ZDHHC14: variants seen among roughly 807,000 people sequenced by gnomAD.
The protein encoded by ZDHHC14 is zDHHC palmitoyltransferase 14.
In ZDHHC14, 16 loss-of-function variants were observed where a neutral mutation model predicts 47.7. The observed-to-expected ratio is 0.34, with a 90% CI of 0.23 to 0.51. ZDHHC14 has a LOEUF of 0.51. ZDHHC14 is among the 20% of genes least tolerant of loss of function. The pLI is 0.97. For synonymous variants in ZDHHC14, 293 were observed against 278.9 expected, an observed-to-expected ratio of 1.05 and a Z score of -0.50; for missense variants, 515 against 662.5, an observed-to-expected ratio of 0.78 and a Z score of 2.44.
intron 3 of ZDHHC14, among the ~76,000 whole-genome samples, chr6:157,612,334 C>T (rs1006154210): frequency 2.6e-5 from 4 of 152,174 alleles, no homozygotes; most frequent in African/African-American, 4.8e-5. Context: ...TCAGAGTGAC[C>T]GTTTCCAAAC....
In ZDHHC14 at chr6:157,381,502, C is replaced by A. The variant is rs897485661; in HGVS notation, c.-520C>A. The A allele has an allele frequency of 1.2e-5, 5 of 405,672 alleles. No individual in the cohort carries two copies. The highest frequency in any genetic ancestry group is 2.0e-5 in the Non-Finnish European group (4 of 203,220). 25.1% of individuals were successfully genotyped at this position (405,672 alleles called of 1,614,324 possible). A position where few individuals can be genotyped will look rare whatever the true frequency, so the allele number is the denominator to read the frequency against. On this transcript the variant is annotated 5_prime_UTR_variant, in exon 1 of 9. Coordinates refer to ENST00000359775, the MANE Select transcript of ZDHHC14 (RefSeq NM_024630.3). ...GGCCGCCCAGTCGCCAGCGCTCTCT[C>A]CTGGGAGGATCCGCTGCCGGAGGAA...
intron 5 of ZDHHC14, among the ~76,000 whole-genome samples, chr6:157,639,700 G>A (rs1310228275): frequency 1.3e-5 from 2 of 152,188 alleles, no homozygotes; most frequent in African/African-American, 4.8e-5. Context: ...GGACAGCTCA[G>A]TAGGGAGAAG....
At chr6:157,547,457 C>G (rs1264599993) in intron 2 of ZDHHC14, among the ~76,000 whole-genome samples, 1 of 151,818 alleles carries the variant, frequency 6.6e-6, no homozygotes, top group Non-Finnish European at 1.5e-5. Flanking sequence ...ACAGAGCATC[C>G]CCTGGGAAGA....
Position 157,428,590 on chromosome 6 carries a change from A to C in ZDHHC14, c.245+46324A>C, listed in dbSNP as rs187771418. Among the ~76,000 whole-genome samples, 236 of 152,192 alleles carry C rather than the reference A, an allele frequency of 1.6e-3. 6 individuals carry two copies. In the East Asian group the frequency reaches 0.034, roughly 22 times the overall value. On this transcript the variant is annotated intron_variant, in intron 1 of 8. Transcript: ENST00000359775. ...GTTACGCCTTGTGGAAGGGCACCCG[A>C]GAGAGGCGCATTCCTGCTTAGCGAG...
intron 1 of ZDHHC14, among the ~76,000 whole-genome samples, chr6:157,528,514 G>A (rs911728141): frequency 1.3e-5 from 2 of 151,912 alleles, no homozygotes; most frequent in Non-Finnish European, 2.9e-5. Context: ...GGCAGATCAC[G>A]AGGTCAGGAG....
chr6:157,415,516 C>T (rs34547508), intron 1 of ZDHHC14, among the ~76,000 whole-genome samples: 3,323 of 152,278 alleles, frequency 0.022, 133 homozygotes, highest in African/African-American at 0.076. Context: ...CAGCAAAGAA[C>T]TTGTCAGAAA....
rs1782585875 is a variant in ZDHHC14, at chr6:157,558,830, AGAT to A, written c.406+16086_406+16088del. The stretch of plus-strand genomic sequence containing the variant: ...CAATAAAACAAAGTTCAAGTAATGT[AGAT>A]CAGAGATTCCTCTTCCCTGCTGTAG... On this transcript the variant is annotated intron_variant, in intron 2 of 8. Transcript: ENST00000359775. 2.0e-5 allele frequency among the ~76,000 whole-genome samples: 3 copies of A among 152,032 alleles called. No individual in the cohort carries two copies. The South Asian group carries it at 6.2e-4, about 32-fold the overall frequency.
At chr6:157,391,827 A>G (rs969871922) in intron 1 of ZDHHC14, among the ~76,000 whole-genome samples, 5 of 152,068 alleles carry the variant, frequency 3.3e-5, no homozygotes, top group Non-Finnish European at 7.4e-5. Flanking sequence ...TTAGAGTGGG[A>G]GTGATTGCTC....
At chr6:157,512,127 G>A (rs1780513949) in intron 1 of ZDHHC14, among the ~76,000 whole-genome samples, 1 of 152,192 alleles carries the variant, frequency 6.6e-6, no homozygotes, top group Non-Finnish European at 1.5e-5. Context: ...CCTGCGGTAG[G>A]TCCAATTATT....
At chr6:157,526,576 A>G (rs1033831383) in intron 1 of ZDHHC14, among the ~76,000 whole-genome samples, 1 of 152,010 alleles carries the variant, frequency 6.6e-6, no homozygotes, top group Non-Finnish European at 1.5e-5. Context: ...CCTTCTTTTC[A>G]CTCTCTCATT....
At chr6:157,484,201 G>A (rs1248074333) in intron 1 of ZDHHC14, among the ~76,000 whole-genome samples, 7 of 150,848 alleles carry the variant, frequency 4.6e-5, no homozygotes, top group Admixed American at 6.6e-5. Flanking sequence ...GGTACTAGGC[G>A]TAGTACCTGG....
At chr6:157,399,409 A>G (rs1298951571) in intron 1 of ZDHHC14, among the ~76,000 whole-genome samples, 1 of 152,206 alleles carries the variant, frequency 6.6e-6, no homozygotes, top group African/African-American at 2.4e-5. Context: ...AAGAAATAAA[A>G]GTGTGTGCCT....
intron 3 of ZDHHC14, among the ~76,000 whole-genome samples, chr6:157,622,383 T>C (rs915817641): frequency 6.6e-6 from 1 of 152,140 alleles, no homozygotes; most frequent in Admixed American, 6.5e-5. Flanking sequence ...AGAGCAAGGC[T>C]CCATTTCAAA....
At chr6:157,569,188 TC>T (rs1160337264) in intron 2 of ZDHHC14, among the ~76,000 whole-genome samples, 7 of 151,734 alleles carry the variant, frequency 4.6e-5, no homozygotes, top group Admixed American at 3.9e-4. Flanking sequence ...AACCCGTATG[TC>T]CAAAAACCTT....
At chr6:157,546,579 G>C (rs969276758) in intron 2 of ZDHHC14, among the ~76,000 whole-genome samples, 1 of 152,138 alleles carries the variant, frequency 6.6e-6, no homozygotes, top group Non-Finnish European at 1.5e-5. Flanking sequence ...CGATGACTTA[G>C]GGTGCAGCTA....
chr6:157,530,594 A>G (rs1781327726), intron 1 of ZDHHC14, among the ~76,000 whole-genome samples: 1 of 152,190 alleles, frequency 6.6e-6, no homozygotes, highest in African/African-American at 2.4e-5. Context: ...GTGGGCTTTA[A>G]GCTGTTAACC....
chr6:157,485,591 G>A (rs1779758101), intron 1 of ZDHHC14, among the ~76,000 whole-genome samples: 1 of 151,942 alleles, frequency 6.6e-6, no homozygotes, highest in African/African-American at 2.4e-5. Context: ...GCAGAGATGG[G>A]CAGAGCCCCA....
At chr6:157,576,543 T>C (rs1477322104) in intron 2 of ZDHHC14, among the ~76,000 whole-genome samples, 1 of 152,264 alleles carries the variant, frequency 6.6e-6, no homozygotes, top group Admixed American at 6.5e-5. Context: ...GTTTATGTCC[T>C]GAATGTTACA....
At position 157,545,810 on chromosome 6, in the gene ZDHHC14, T is replaced by C. The variant is rs368905490; in HGVS notation, c.406+3065T>C. Among the ~76,000 whole-genome samples, 39 of 152,310 alleles carry C rather than the reference T, an allele frequency of 2.6e-4. No homozygotes were observed. In the South Asian group the frequency reaches 7.7e-3, roughly 30 times the overall value. On this transcript the variant is annotated intron_variant, in intron 2 of 8. Transcript: ENST00000359775. ...GGTTTGAATCCTGGCTCACCCTTTC[T>C]CTAGTTGCGTGACTTAGGTGAGCGG...
Sources: gnomAD v4.1 joint callset for allele counts (sites outside exome capture counted in the v4.1 genomes callset) on GRCh38, gnomAD v4.1.1 for gene constraint, MANE v1.5 for transcripts, NCBI Gene and HGNC (gene_info 2026-07-23, HGNC 2026-07-21) for gene names.